The following FTO variants were observed in gnomAD, a reference collection of about 807,000 sequenced individuals.
The protein encoded by FTO is alpha-ketoglutarate-dependent dioxygenase FTO.
A neutral mutation model predicts 63.9 loss-of-function variants in FTO; 47 were observed. That is an observed-to-expected ratio of 0.74 (90% CI 0.58 to 0.94). FTO has a LOEUF of 0.94. FTO is among the 40% of genes least tolerant of loss of function. The pLI, the probability that FTO is intolerant of heterozygous loss-of-function variation, is 0.00. For synonymous variants in FTO, 207 were observed against 224.4 expected, an observed-to-expected ratio of 0.92 and a Z score of 0.69; for missense variants, 562 against 618.1, an observed-to-expected ratio of 0.91 and a Z score of 0.96.
chr16:53,742,956 C>T (rs1312459565), intron 1 of FTO, among the ~76,000 whole-genome samples: 2 of 152,144 alleles, frequency 1.3e-5, no homozygotes, highest in Non-Finnish European at 2.9e-5. Context: ...TGGGCAGCCT[C>T]TTCTGATTAC....
chr16:54,110,707 G>A (rs2086864207), intron 8 of FTO, among the ~76,000 whole-genome samples: 1 of 152,210 alleles, frequency 6.6e-6, no homozygotes, highest in Non-Finnish European at 1.5e-5. Context: ...AAGACAAATA[G>A]TGAGCATGAC....
intron 8 of FTO, among the ~76,000 whole-genome samples, chr16:53,973,732 CA>C (rs1389780834): frequency 5.3e-5 from 8 of 152,040 alleles, no homozygotes; most frequent in Non-Finnish European, 2.9e-5. Flanking sequence ...GAGGGAGACC[CA>C]GTGGAAAGGT....
chr16:54,040,726 T>A (rs1411828301), intron 8 of FTO: 1 of 152,136 alleles, frequency 6.6e-6, no homozygotes, highest in Non-Finnish European at 1.5e-5. Flanking sequence ...GGGCTTAATG[T>A]CGTGGAGAAA....
At chr16:53,953,614 A>G (rs753315106) in intron 8 of FTO, among the ~76,000 whole-genome samples, 3 of 152,202 alleles carry the variant, frequency 2.0e-5, no homozygotes, top group Non-Finnish European at 4.4e-5. Context: ...TTTAGCAGCA[A>G]ATGTTACCAT....
intron 2 of FTO, among the ~76,000 whole-genome samples, chr16:53,816,094 T>A (rs1187930639): frequency 1.3e-5 from 2 of 152,174 alleles, no homozygotes; most frequent in African/African-American, 2.4e-5. Flanking sequence ...CTTGCCTTTG[T>A]GCCCACTAGT....
chr16:53,844,435 A>G, intron 4 of FTO, 137 bp downstream of exon 4: 1 of 722,634 alleles, frequency 1.4e-6, no homozygotes, highest in Non-Finnish European at 2.3e-6. Context: ...TTATAAGAAC[A>G]TGTAACTAGG....
chr16:54,020,914 T>G (rs1463522769), intron 8 of FTO, among the ~76,000 whole-genome samples: 1 of 152,096 alleles, frequency 6.6e-6, no homozygotes, highest in East Asian at 1.9e-4. Context: ...GAGGTTGCAG[T>G]GAGTCAAGAT....
intron 4 of FTO, among the ~76,000 whole-genome samples, chr16:53,858,880 C>T (rs2080087666): frequency 6.6e-6 from 1 of 152,000 alleles, no homozygotes; most frequent in Non-Finnish European, 1.5e-5. Flanking sequence ...AGGATAGTCT[C>T]GATCTCTTGA....
At chr16:54,068,194 G>A (rs1231015231) in intron 8 of FTO, among the ~76,000 whole-genome samples, 1 of 152,116 alleles carries the variant, frequency 6.6e-6, no homozygotes, top group African/African-American at 2.4e-5. Flanking sequence ...TCAATCCTCA[G>A]CTCTTGAAAT....
rs1013089398 is a variant in FTO, at chr16:54,005,211, A to T, written c.1364+71102A>T. Among the ~76,000 whole-genome samples the T allele has an allele frequency of 1.0e-4, 15 of 148,604 alleles. No homozygotes were observed. The East Asian group carries it at 2.9e-3, about 29-fold the overall frequency. ...GAACCTTTTTCTATCCCATTTTTCT[A>T]GTGGCCTTTATAGGACTTGGCTTAA... On this transcript the variant is annotated intron_variant, in intron 8 of 8. Transcript: ENST00000471389.
intron 8 of FTO, among the ~76,000 whole-genome samples, chr16:53,966,381 C>A (rs1480112291): frequency 6.6e-6 from 1 of 152,164 alleles, no homozygotes; most frequent in African/African-American, 2.4e-5. Flanking sequence ...GACAGAATGC[C>A]AGGCAGCAGT....
chr16:54,032,662 C>T (rs2084858663), intron 8 of FTO, among the ~76,000 whole-genome samples: 2 of 145,366 alleles, frequency 1.4e-5, no homozygotes, highest in Non-Finnish European at 2.9e-5. Flanking sequence ...TAGTTAAAGG[C>T]TTGCTTATTT....
chr16:54,021,041 A>G (rs2144146514), intron 8 of FTO, among the ~76,000 whole-genome samples: 1 of 152,334 alleles, frequency 6.6e-6, no homozygotes, highest in African/African-American at 2.4e-5. Flanking sequence ...TGGAAGATTC[A>G]TCTTTTTTCC....
intron 8 of FTO, among the ~76,000 whole-genome samples, chr16:53,947,881 C>A (rs1037118597): frequency 6.6e-6 from 1 of 152,068 alleles, no homozygotes; most frequent in Non-Finnish European, 1.5e-5. Context: ...TTTGAGGGGG[C>A]CTTGGAGAAT....
chr16:53,858,052 G>A (rs2080059568), intron 4 of FTO, among the ~76,000 whole-genome samples: 1 of 151,710 alleles, frequency 6.6e-6, no homozygotes, highest in South Asian at 2.1e-4. Context: ...TATAAACAAA[G>A]GATAAACATA....
chr16:53,904,478 G>A (rs1487158948), intron 7 of FTO, among the ~76,000 whole-genome samples: 1 of 152,204 alleles, frequency 6.6e-6, no homozygotes, highest in Non-Finnish European at 1.5e-5. Flanking sequence ...TGGGAAGGTT[G>A]TTCTCTTTCA....
intron 7 of FTO, among the ~76,000 whole-genome samples, chr16:53,906,661 T>C (rs2081547568): frequency 6.6e-6 from 1 of 152,188 alleles, no homozygotes; most frequent in Non-Finnish European, 1.5e-5. Context: ...GAGAGAATTT[T>C]AACAGGAGGA....
At chr16:53,819,934 T>C (rs1882712948) in intron 2 of FTO, among the ~76,000 whole-genome samples, 1 of 152,116 alleles carries the variant, frequency 6.6e-6, no homozygotes, top group South Asian at 2.1e-4. Context: ...CTTTTATTCT[T>C]AGAAAGGAGT....
intron 8 of FTO, among the ~76,000 whole-genome samples, chr16:53,970,918 T>C (rs1425052172): frequency 1.3e-5 from 2 of 152,224 alleles, no homozygotes; most frequent in Admixed American, 6.5e-5. Context: ...GTGGGAATAT[T>C]CTAAATAATA....
Sources: gnomAD v4.1 joint callset for allele counts (sites outside exome capture counted in the v4.1 genomes callset) on GRCh38, gnomAD v4.1.1 for gene constraint, MANE v1.5 for transcripts, NCBI Gene and HGNC (gene_info 2026-07-23, HGNC 2026-07-21) for gene names.